Variants in ENPP6 observed in about 807,000 individuals in gnomAD.
ENPP6 encodes glycerophosphocholine cholinephosphodiesterase ENPP6.
Under a neutral mutation model 42.0 loss-of-function variants are expected in ENPP6, and 32 were observed. That is an observed-to-expected ratio of 0.76 (90% CI 0.58 to 1.02). The LOEUF (loss-of-function observed/expected upper bound fraction) is 1.02, where lower values mean the gene tolerates loss of function less well. Ranked by LOEUF, ENPP6 falls within the 50% of genes least tolerant of loss-of-function variation. ENPP6 has a pLI of 0.00. For synonymous variants in ENPP6, 213 were observed against 216.0 expected, an observed-to-expected ratio of 0.99 and a Z score of 0.12; for missense variants, 552 against 566.8, an observed-to-expected ratio of 0.97 and a Z score of 0.27.
intron 6 of ENPP6, among the ~76,000 whole-genome samples, chr4:184,102,774 C>T (rs764456459): frequency 6.6e-5 from 10 of 152,244 alleles, no homozygotes; most frequent in East Asian, 1.9e-4. Flanking sequence ...GCGTGCTCAC[C>T]GTCCACACCG....
chr4:184,167,509 A>G (rs1456605684), intron 1 of ENPP6, among the ~76,000 whole-genome samples: 2 of 152,168 alleles, frequency 1.3e-5, no homozygotes, highest in Non-Finnish European at 2.9e-5. Flanking sequence ...GAATGATGGA[A>G]CCCAGCTCTT....
intron 1 of ENPP6, among the ~76,000 whole-genome samples, chr4:184,201,968 C>T (rs1358823716): frequency 1.3e-5 from 2 of 152,168 alleles, no homozygotes; most frequent in African/African-American, 4.8e-5. Flanking sequence ...ACTGTGCATC[C>T]GTGAGAAATA....
At chr4:184,216,126 G>GT (rs1471864467) in intron 1 of ENPP6, among the ~76,000 whole-genome samples, 2 of 152,248 alleles carry the variant, frequency 1.3e-5, no homozygotes, top group Non-Finnish European at 2.9e-5. Context: ...GACAGCTGGA[G>GT]TGGGGGTGGG....
chr4:184,205,770 G>T (rs915024458), intron 1 of ENPP6, among the ~76,000 whole-genome samples: 1 of 152,230 alleles, frequency 6.6e-6, no homozygotes, highest in African/African-American at 2.4e-5. Flanking sequence ...AGCAATGGAG[G>T]TTGGGGGAGG....
chr4:184,115,440 T>A (rs1300687749), intron 5 of ENPP6, among the ~76,000 whole-genome samples: 5 of 152,134 alleles, frequency 3.3e-5, no homozygotes, highest in African/African-American at 1.2e-4. Flanking sequence ...AGGCAGAATA[T>A]TTGTTTTGAG....
chr4:184,152,300 T>C lies in ENPP6; in HGVS notation c.421+1254A>G, dbSNP rs142935089. On this transcript the variant is annotated intron_variant, in intron 2 of 7. Coordinates refer to ENST00000296741, the MANE Select transcript of ENPP6 (RefSeq NM_153343.4). ...CAGCAGCTCCCCACACACCCACCTC[T>C]ATCCAGCATCCTCCAAACTCCTGCT... Among the ~76,000 whole-genome samples, 540 of 152,254 alleles carry C rather than the reference T, an allele frequency of 3.5e-3. 2 individuals are homozygous for C. The highest frequency in any genetic ancestry group is 6.0e-3 in the Non-Finnish European group (408 of 68,014).
chr4:184,109,040 A>G lies in ENPP6; in HGVS notation c.993+3632T>C, dbSNP rs1369135048. ...ATCCTGGCCAACATGGTGAAACCCC[A>G]TCTCCACTAAAAATACAAAAATTAG... On this transcript the variant is annotated intron_variant, in intron 6 of 7. Coordinates refer to ENST00000296741, the MANE Select transcript of ENPP6 (RefSeq NM_153343.4). 4.6e-5 allele frequency among the ~76,000 whole-genome samples: 7 copies of G among 152,178 alleles called. 1 individual carries two copies. Among genetic ancestry groups the G allele is most frequent in the African/African-American group, 1.7e-4 (7 of 41,444 alleles).
At chr4:184,204,257 A>C (rs1732954995) in intron 1 of ENPP6, 1 of 152,154 alleles carries the variant, frequency 6.6e-6, no homozygotes. Context: ...GCATAAACAC[A>C]TGGGTTTTGG....
chr4:184,097,474 G>C, intron 6 of ENPP6, 106 bp from the exon 7 acceptor site: 1 of 1,512,556 alleles, frequency 6.6e-7, no homozygotes, highest in South Asian at 1.2e-5. Flanking sequence ...CCTCCTCTGC[G>C]CTCCGACTGA....
At chr4:184,093,727 T>G (rs1735848797) in intron 7 of ENPP6, among the ~76,000 whole-genome samples, 1 of 151,570 alleles carries the variant, frequency 6.6e-6, no homozygotes, top group Non-Finnish European at 1.5e-5. Context: ...GCTGCCCCAG[T>G]ATCCCAGCCC....
chr4:184,143,479 G>A (rs973242665), intron 2 of ENPP6, among the ~76,000 whole-genome samples: 1 of 152,218 alleles, frequency 6.6e-6, no homozygotes. Context: ...CTGTGCCCTT[G>A]TCAATCAGCT....
chr4:184,101,256 T>C (rs1225590565), intron 6 of ENPP6, among the ~76,000 whole-genome samples: 1 of 151,842 alleles, frequency 6.6e-6, no homozygotes, highest in African/African-American at 2.4e-5. Context: ...AGTGTGTGTT[T>C]ATGTGTGTCT....
At chr4:184,147,136 A>T (rs1290937156) in intron 2 of ENPP6, among the ~76,000 whole-genome samples, 1 of 152,178 alleles carries the variant, frequency 6.6e-6, no homozygotes, top group East Asian at 1.9e-4. Flanking sequence ...TTCAGTGAAG[A>T]ATCACCATCT....
intron 1 of ENPP6, among the ~76,000 whole-genome samples, chr4:184,154,386 G>A (rs958991583): frequency 2.0e-5 from 3 of 152,184 alleles, no homozygotes; most frequent in African/African-American, 7.2e-5. Flanking sequence ...GGACTCTTTT[G>A]AAACATTAGG....
chr4:184,109,714 A>C (rs1210448865), intron 6 of ENPP6, among the ~76,000 whole-genome samples: 1 of 152,182 alleles, frequency 6.6e-6, no homozygotes, highest in Non-Finnish European at 1.5e-5. Flanking sequence ...GTATATGTTA[A>C]AATGCTGCTC....
chr4:184,157,786 T>TG (rs1463900725), intron 1 of ENPP6, among the ~76,000 whole-genome samples: 2 of 147,612 alleles, frequency 1.4e-5, no homozygotes, highest in African/African-American at 2.5e-5. Flanking sequence ...TTTTTTTTTT[T>TG]TTTTTGTATT....
At chr4:184,115,367 G>A (rs1206147885) in intron 5 of ENPP6, among the ~76,000 whole-genome samples, 1 of 152,190 alleles carries the variant, frequency 6.6e-6, no homozygotes, top group Non-Finnish European at 1.5e-5. Flanking sequence ...CGGGGGACAA[G>A]CAGCCAGCAG....
chr4:184,207,484 T>G (rs560174611), intron 1 of ENPP6, among the ~76,000 whole-genome samples: 2 of 152,346 alleles, frequency 1.3e-5, no homozygotes, highest in African/African-American at 2.4e-5. Flanking sequence ...GAGAATAACT[T>G]TACGAAAAGA....
intron 6 of ENPP6, among the ~76,000 whole-genome samples, chr4:184,106,847 C>T (rs908894150): frequency 5.9e-5 from 9 of 152,230 alleles, no homozygotes; most frequent in African/African-American, 2.2e-4. Flanking sequence ...CTGTAGTCGG[C>T]ACTCAGCACA....
Sources: allele counts gnomAD v4.1 joint callset (sites outside exome capture counted in the v4.1 genomes callset), GRCh38; gene constraint gnomAD v4.1.1; transcripts MANE v1.5; gene names NCBI Gene and HGNC (gene_info 2026-07-23, HGNC 2026-07-21).